The following FBXL17 variants were observed in gnomAD, a reference collection of about 807,000 sequenced individuals.
FBXL17 encodes the protein F-box and leucine rich repeat protein 17, also known as F-box/LRR-repeat protein 17.
A neutral mutation model predicts 66.2 loss-of-function variants in FBXL17; 22 were observed. The observed-to-expected ratio is 0.33, with a 90% CI of 0.24 to 0.47. The LOEUF is 0.47. Ranked by LOEUF, FBXL17 falls within the 20% of genes least tolerant of loss-of-function variation. The probability of loss-of-function intolerance (pLI) is 1.00; values close to 1 mark genes in which losing one functional copy is unlikely to be tolerated. For missense variants in FBXL17, 878 were observed against 948.2 expected (o/e 0.93, Z 0.97); for synonymous variants, 474 against 400.5 (o/e 1.18, Z -2.19).
Position 108,368,103 on chromosome 5 carries a change from C to G in FBXL17, c.994-150G>C. The G allele has an allele frequency of 8.5e-6, 6 of 709,266 alleles. 1 individual carries two copies. The South Asian group carries it at 1.2e-4, about 15-fold the overall frequency. The allele number at this position is 709,266 out of a possible 1,614,324, so 43.9% of individuals were successfully genotyped here. A position where few individuals can be genotyped will look rare whatever the true frequency, so the allele number is the denominator to read the frequency against. The stretch of plus-strand genomic sequence containing the variant: ...TATTGTAAGTCACCGTAAGAGATCA[C>G]CTTAAAGAGAAACTATGATACAGGA... On this transcript the variant is annotated intron_variant, in intron 1 of 8. Transcript: ENST00000542267.
chr5:108,142,331 T>C (rs1315261353), intron 6 of FBXL17, among the ~76,000 whole-genome samples: 1 of 152,224 alleles, frequency 6.6e-6, no homozygotes, highest in Admixed American at 6.5e-5. Context: ...AAAGACTGTT[T>C]TGGTACTTTT....
At chr5:108,175,579 T>C (rs1207275035) in intron 6 of FBXL17, among the ~76,000 whole-genome samples, 1 of 152,242 alleles carries the variant, frequency 6.6e-6, no homozygotes, top group African/African-American at 2.4e-5. Context: ...TGAAGAATGA[T>C]ATACATAAAA....
chr5:108,059,389 A>C (rs1249068731), intron 6 of FBXL17, among the ~76,000 whole-genome samples: 4 of 152,202 alleles, frequency 2.6e-5, no homozygotes. Flanking sequence ...TAGAGTCTAC[A>C]GGGATTGAGA....
At chr5:108,218,016 CTTTTTT>C (rs752575685) in intron 5 of FBXL17, among the ~76,000 whole-genome samples, 1 of 120,130 alleles carries the variant, frequency 8.3e-6, no homozygotes, top group Non-Finnish European at 1.7e-5. Flanking sequence ...AATTTTTTTT[CTTTTTT>C]TTTTTTTTTT....
At position 107,957,420 on chromosome 5, in the gene FBXL17, T is replaced by TA. The variant is rs907401612; in HGVS notation, c.1822+63504dup. 2.6e-3 allele frequency among the ~76,000 whole-genome samples: 383 copies of TA among 149,144 alleles called. 2 individuals are homozygous for TA. The highest frequency in any genetic ancestry group is 8.5e-3 in the African/African-American group (347 of 40,730). On this transcript the variant is annotated intron_variant, in intron 7 of 8. Coordinates refer to ENST00000542267, the MANE Select transcript of FBXL17 (RefSeq NM_001163315.3). ...AGAAAACTGGCTCCAGGTCTAATTA[T>TA]AAAAAAAAAATCACTCACAAGAAGA...
At chr5:108,242,611 T>TA (rs1243025057) in intron 4 of FBXL17, among the ~76,000 whole-genome samples, 2 of 152,108 alleles carry the variant, frequency 1.3e-5, no homozygotes, top group African/African-American at 2.4e-5. Flanking sequence ...CTTTTAATTA[T>TA]AAGAAATTTC....
intron 1 of FBXL17, 137 bp from the exon 2 acceptor site, chr5:108,368,090 C>T: frequency 1.3e-6 from 1 of 763,698 alleles, no homozygotes; most frequent in Non-Finnish European, 2.1e-6. Context: ...TTGTAAGTCA[C>T]CGTAAGAGAT....
In FBXL17 at chr5:107,971,902, T is replaced by C. The variant is rs551700508; in HGVS notation, c.1822+49023A>G. ...TTAGATGCCTCCACTGTATCCCATG[T>C]GTTTCTAAGCTCCTGCTCATACCTT... On this transcript the variant is annotated intron_variant, in intron 7 of 8. Transcript: ENST00000542267. Among the ~76,000 whole-genome samples the C allele has an allele frequency of 7.9e-5, 12 of 152,336 alleles. No homozygotes were observed. In the South Asian group the frequency reaches 2.5e-3, roughly 32 times the overall value.
At chr5:107,939,736 T>C (rs1751033665) in intron 7 of FBXL17, among the ~76,000 whole-genome samples, 2 of 152,136 alleles carry the variant, frequency 1.3e-5, no homozygotes, top group Admixed American at 1.3e-4. Context: ...TGCTATAGCA[T>C]ATCCTTTCAA....
chr5:107,969,252 C>A (rs560531790), intron 7 of FBXL17, among the ~76,000 whole-genome samples: 1 of 152,184 alleles, frequency 6.6e-6, no homozygotes, highest in African/African-American at 2.4e-5. Flanking sequence ...TTCCATACCG[C>A]ATGGGGTACT....
At chr5:107,958,337 A>G (rs958738935) in intron 7 of FBXL17, among the ~76,000 whole-genome samples, 4 of 152,008 alleles carry the variant, frequency 2.6e-5, no homozygotes, top group African/African-American at 9.7e-5. Context: ...CTAATTTTTT[A>G]GTTTAGTTTA....
At chr5:108,142,029 T>C (rs1175624753) in intron 6 of FBXL17, among the ~76,000 whole-genome samples, 3 of 152,246 alleles carry the variant, frequency 2.0e-5, no homozygotes, top group Non-Finnish European at 4.4e-5. Context: ...GAATGTCAGC[T>C]CCTTCAGAAT....
intron 4 of FBXL17, among the ~76,000 whole-genome samples, chr5:108,333,623 T>G (rs982589404): frequency 1.5e-4 from 23 of 152,100 alleles, no homozygotes; most frequent in African/African-American, 4.8e-4. Flanking sequence ...TAACTGAAAT[T>G]TTTAGAAACT....
chr5:107,907,051 T>C (rs916764847), intron 7 of FBXL17, among the ~76,000 whole-genome samples: 12 of 152,156 alleles, frequency 7.9e-5, no homozygotes, highest in African/African-American at 2.2e-4. Flanking sequence ...GTAAAATAGA[T>C]AAAACTCCCA....
chr5:108,112,105 A>T (rs1356253278), intron 6 of FBXL17, among the ~76,000 whole-genome samples: 1 of 152,216 alleles, frequency 6.6e-6, no homozygotes. Flanking sequence ...TAGGACACCA[A>T]GGTGACCAGA....
chr5:107,871,490 C>G (rs1748452669), intron 8 of FBXL17, among the ~76,000 whole-genome samples: 2 of 152,086 alleles, frequency 1.3e-5, no homozygotes, highest in African/African-American at 4.8e-5. Context: ...ATTTTCATTC[C>G]CTGTATCACC....
intron 5 of FBXL17, among the ~76,000 whole-genome samples, chr5:108,192,734 G>A (rs974348924): frequency 2.0e-5 from 3 of 152,152 alleles, no homozygotes; most frequent in African/African-American, 7.2e-5. Context: ...AGAGGTTGCA[G>A]TGAGCCGAGA....
intron 6 of FBXL17, among the ~76,000 whole-genome samples, chr5:108,180,128 A>G (rs1447956616): frequency 6.6e-6 from 1 of 152,234 alleles, no homozygotes; most frequent in Non-Finnish European, 1.5e-5. Context: ...AATACTGTAT[A>G]TGCCAAACAA....
chr5:108,160,212 C>T (rs982053552), intron 6 of FBXL17, among the ~76,000 whole-genome samples: 20 of 152,192 alleles, frequency 1.3e-4, no homozygotes, highest in African/African-American at 4.3e-4. Flanking sequence ...GCAATAATCT[C>T]TTCTCTGCAG....
Sources: allele counts gnomAD v4.1 joint callset (sites outside exome capture counted in the v4.1 genomes callset), GRCh38; gene constraint gnomAD v4.1.1; transcripts MANE v1.5; gene names NCBI Gene and HGNC (gene_info 2026-07-23, HGNC 2026-07-21).